The following ARB2A variants were observed in gnomAD, a reference collection of about 807,000 sequenced individuals.
ARB2A encodes ARB2 cotranscriptional regulator A.
At chr5:93,808,842 T>C in the ARB2A span, among the ~76,000 whole-genome samples, 1 of 152,002 alleles carries the variant, frequency 6.6e-6, no homozygotes, top group Non-Finnish European at 1.5e-5. Flanking sequence ...ACCAGCTGTT[T>C]CTTAGGAATT....
the ARB2A span, among the ~76,000 whole-genome samples, chr5:93,817,312 A>T: frequency 6.6e-6 from 1 of 152,200 alleles, no homozygotes; most frequent in Non-Finnish European, 1.5e-5. Context: ...TGAAAACAAC[A>T]AAGCATTTTT....
At chr5:93,865,719 T>C in the ARB2A span, 2 of 985,436 alleles carry the variant, frequency 2.0e-6, no homozygotes, top group Non-Finnish European at 2.4e-6. Context: ...CTGAAAGAAT[T>C]CAAACCTGTT....
the ARB2A span, among the ~76,000 whole-genome samples, chr5:93,910,382 G>C: frequency 6.6e-6 from 1 of 150,994 alleles, no homozygotes; most frequent in Non-Finnish European, 1.5e-5. Flanking sequence ...TTTAAATGCA[G>C]TAACATATGT....
At chr5:93,714,097 T>G in the ARB2A span, among the ~76,000 whole-genome samples, 1 of 152,206 alleles carries the variant, frequency 6.6e-6, no homozygotes, top group African/African-American at 2.4e-5. Flanking sequence ...TAAAAAGCAC[T>G]TTGTCTAAAA....
At chr5:93,998,169 C>T in the ARB2A span, among the ~76,000 whole-genome samples, 26 of 151,976 alleles carry the variant, frequency 1.7e-4, no homozygotes, top group Non-Finnish European at 3.7e-4. Flanking sequence ...GGCCCATCTG[C>T]ACATGACATA....
chr5:93,996,344 C>T, the ARB2A span, among the ~76,000 whole-genome samples: 8 of 151,992 alleles, frequency 5.3e-5, no homozygotes, highest in East Asian at 3.9e-4. Flanking sequence ...CATATAAATA[C>T]GGACAAATAA....
chr5:93,705,402 T>G, the ARB2A span, among the ~76,000 whole-genome samples: 1 of 152,144 alleles, frequency 6.6e-6, no homozygotes, highest in East Asian at 1.9e-4. Context: ...TGAGAAGTAT[T>G]TTGGCACAGA....
chr5:94,057,944 A>C, the ARB2A span, among the ~76,000 whole-genome samples: 2 of 152,188 alleles, frequency 1.3e-5, no homozygotes, highest in African/African-American at 4.8e-5. Flanking sequence ...AGCGCAGGGG[A>C]AACTGTTTAG....
At chr5:93,908,944 C>T in the ARB2A span, among the ~76,000 whole-genome samples, 11 of 150,988 alleles carry the variant, frequency 7.3e-5, no homozygotes, top group African/African-American at 2.4e-4. Context: ...GGGAATTTAT[C>T]TTCTAAGAAT....
At chr5:93,975,242 G>A in the ARB2A span, among the ~76,000 whole-genome samples, 11 of 150,874 alleles carry the variant, frequency 7.3e-5, no homozygotes, top group South Asian at 2.1e-4. Context: ...CTGTGAACCC[G>A]GGAGGCGGAG....
chr5:93,730,494 GATT>G, the ARB2A span, among the ~76,000 whole-genome samples: 23 of 152,160 alleles, frequency 1.5e-4, 1 homozygote, highest in South Asian at 4.8e-3. Context: ...TTTAATGGTT[GATT>G]ATTACAGAAA....
chr5:93,988,147 T>C, the ARB2A span, among the ~76,000 whole-genome samples: 1 of 152,150 alleles, frequency 6.6e-6, no homozygotes, highest in Non-Finnish European at 1.5e-5. Context: ...TATCAACAGG[T>C]CATTATCTCT....
chr5:93,822,444 G>A, the ARB2A span, among the ~76,000 whole-genome samples: 14 of 152,228 alleles, frequency 9.2e-5, no homozygotes, highest in East Asian at 1.4e-3. Context: ...AAAGGTTTTC[G>A]TAAACTGTCT....
the ARB2A span, among the ~76,000 whole-genome samples, chr5:93,932,551 A>G: frequency 6.6e-6 from 1 of 152,250 alleles, no homozygotes; most frequent in African/African-American, 2.4e-5. Context: ...ATGCAAGCAT[A>G]CATAGAGCCA....
chr5:94,062,473 G>C, the ARB2A span, among the ~76,000 whole-genome samples: 2 of 152,178 alleles, frequency 1.3e-5, no homozygotes, highest in Non-Finnish European at 2.9e-5. Flanking sequence ...GCTGAGATCA[G>C]CTGGGAGCCT....
chr5:93,731,671 T>C, the ARB2A span, among the ~76,000 whole-genome samples: 1 of 152,188 alleles, frequency 6.6e-6, no homozygotes, highest in Non-Finnish European at 1.5e-5. Context: ...TCTAAAATAA[T>C]GAATCAACCC....
the ARB2A span, chr5:93,739,749 C>T: frequency 6.6e-6 from 1 of 152,148 alleles, no homozygotes; most frequent in African/African-American, 2.4e-5. Context: ...CCTCTCAAAA[C>T]CATTATAAGA....
chr5:93,648,858 T>C, the ARB2A span, among the ~76,000 whole-genome samples: 1 of 152,210 alleles, frequency 6.6e-6, no homozygotes, highest in Non-Finnish European at 1.5e-5. Context: ...TTTACCATAC[T>C]AGTAGACTAC....
At chr5:93,908,778 CA>C in the ARB2A span, among the ~76,000 whole-genome samples, 28 of 150,596 alleles carry the variant, frequency 1.9e-4, no homozygotes, top group Non-Finnish European at 2.8e-4. Context: ...ATTATTAAAA[CA>C]AAAGTAGGAG....
Sources: gnomAD v4.1 joint callset for allele counts (sites outside exome capture counted in the v4.1 genomes callset) on GRCh38, gnomAD v4.1.1 for gene constraint, MANE v1.5 for transcripts, NCBI Gene and HGNC (gene_info 2026-07-23, HGNC 2026-07-21) for gene names.